The following ETV5 variants were observed in gnomAD, a reference collection of about 807,000 sequenced individuals.
The protein encoded by ETV5 is ETS translocation variant 5.
ETV5 carries 10 observed loss-of-function variants against 70.0 expected under a neutral mutation model. The observed-to-expected ratio is 0.14, with a 90% CI of 0.09 to 0.24. The LOEUF is 0.24. Among genes scored for constraint, ETV5 ranks in the 10% least tolerant of loss-of-function variants. The pLI is 1.00. For missense variants in ETV5, 453 were observed against 651.2 expected (o/e 0.70, Z 3.31); for synonymous variants, 216 against 242.2 (o/e 0.89, Z 1.01).
intron 5 of ETV5, among the ~76,000 whole-genome samples, chr3:186,098,712 G>C (rs954116909): frequency 6.6e-6 from 1 of 152,290 alleles, no homozygotes; most frequent in East Asian, 1.9e-4. Flanking sequence ...GATGGAGCCC[G>C]TCTGACAACC....
chr3:186,098,250 T>C (rs1469404050), intron 5 of ETV5, among the ~76,000 whole-genome samples: 1 of 152,250 alleles, frequency 6.6e-6, no homozygotes, highest in African/African-American at 2.4e-5. Context: ...GTTCAGAATC[T>C]GGCTGTAGCT....
chr3:186,074,975 A>T (rs1381281632), intron 7 of ETV5, among the ~76,000 whole-genome samples: 2 of 152,086 alleles, frequency 1.3e-5, no homozygotes, highest in African/African-American at 2.4e-5. Flanking sequence ...GGAGAAAATT[A>T]TTTGATCACC....
At chr3:186,096,203 C>A (rs762474746) in intron 5 of ETV5, among the ~76,000 whole-genome samples, 2 of 152,132 alleles carry the variant, frequency 1.3e-5, no homozygotes, top group Non-Finnish European at 2.9e-5. Context: ...CAGAAATTTT[C>A]TGAGTCGAGA....
chr3:186,046,961 C>T lies in ETV5; in HGVS notation c.*1678G>A, dbSNP rs777647675. Reference sequence around the variant, plus strand: ...CTATAAAGTGCACCCCTTATCCCTGCGAACCTCTTCACAAATGTGCTGTTG... The same window carrying T: ...CTATAAAGTGCACCCCTTATCCCTGTGAACCTCTTCACAAATGTGCTGTTG... On this transcript the variant is annotated 3_prime_UTR_variant, in exon 13 of 13. Transcript: ENST00000306376. 1.0e-4 allele frequency: 23 copies of T among 229,670 alleles called. No individual in the cohort carries two copies. The highest frequency in any genetic ancestry group is 8.9e-5 in the African/African-American group (4 of 45,136). The allele number at this position is 229,670 out of a possible 1,614,324, so 14.2% of individuals were successfully genotyped here. A position where few individuals can be genotyped will look rare whatever the true frequency, so the allele number is the denominator to read the frequency against.
chr3:186,103,717 T>C (rs1714522206), intron 5 of ETV5, among the ~76,000 whole-genome samples: 2 of 151,658 alleles, frequency 1.3e-5, no homozygotes, highest in South Asian at 4.1e-4. Context: ...TCCCAATCAC[T>C]CGAAAGCAAT....
intron 1 of ETV5, among the ~76,000 whole-genome samples, chr3:186,107,762 T>G (rs925266718): frequency 6.6e-6 from 1 of 151,960 alleles, no homozygotes; most frequent in East Asian, 1.9e-4. Flanking sequence ...GGCCCGGTTT[T>G]ATGAATGGGA....
At chr3:186,060,954 G>C (rs1713288885) in intron 9 of ETV5, among the ~76,000 whole-genome samples, 1 of 152,164 alleles carries the variant, frequency 6.6e-6, no homozygotes, top group Non-Finnish European at 1.5e-5. Flanking sequence ...GAACCTCAAA[G>C]AGCCCCATGC....
chr3:186,057,071 A>C lies in ETV5; in HGVS notation c.1209+4T>G. 6.2e-7 allele frequency: 1 copy of C among 1,614,016 alleles called. No homozygotes were observed. Among genetic ancestry groups the C allele is most frequent in the Non-Finnish European group, 8.5e-7 (1 of 1,179,888 alleles). On this transcript the variant is annotated splice_donor_region_variant and intron_variant, in intron 11 of 12. Coordinates refer to ENST00000306376, the MANE Select transcript of ETV5 (RefSeq NM_004454.3). The surrounding 1 kb of genome is among the most constrained non-coding windows in gnomAD (Gnocchi z 4.9). Reference sequence around the variant, plus strand: ...CCCGTCTGAGTCCAGCATCCAGTGCATACCTCTTCCGGTTCTATCAGCTTG... The same window carrying C: ...CCCGTCTGAGTCCAGCATCCAGTGCCTACCTCTTCCGGTTCTATCAGCTTG...
intron 7 of ETV5, among the ~76,000 whole-genome samples, chr3:186,069,972 A>C (rs1213886179): frequency 6.6e-6 from 1 of 150,850 alleles, no homozygotes. Flanking sequence ...ATGCCTGGCT[A>C]ATTTTTTTTT....
At chr3:186,074,593 C>T (rs1406729512) in intron 7 of ETV5, among the ~76,000 whole-genome samples, 1 of 152,010 alleles carries the variant, frequency 6.6e-6, no homozygotes, top group Non-Finnish European at 1.5e-5. Context: ...AACCCAAACT[C>T]ACCAATGTAC....
chr3:186,105,291 A>G lies in ETV5; in HGVS notation c.232+14T>C. 2 of 1,606,448 alleles carry G rather than the reference A, an allele frequency of 1.2e-6. No individual in the cohort carries two copies. Among genetic ancestry groups the G allele is most frequent in the Non-Finnish European group, 8.5e-7 (1 of 1,177,378 alleles). ...ATTTCAGAACAAATGTGCCATCACC[A>G]GAAAGGTACTTACGGTTATCAGACT... is the stretch of plus-strand genomic sequence containing the variant. On this transcript the variant is annotated intron_variant, in intron 5 of 12. Transcript: ENST00000306376. This position sits in a 1 kb window ranked among gnomAD's most constrained non-coding sequence, Gnocchi z 4.5.
chr3:186,083,521 A>T (rs1479416059), intron 5 of ETV5, among the ~76,000 whole-genome samples: 2 of 152,214 alleles, frequency 1.3e-5, no homozygotes, highest in Non-Finnish European at 2.9e-5. Flanking sequence ...TATTTGTTTC[A>T]GGAACTGCAC....
intron 7 of ETV5, among the ~76,000 whole-genome samples, chr3:186,078,713 T>G (rs942394972): frequency 2.0e-5 from 3 of 152,098 alleles, no homozygotes. Context: ...ACCCCGTCAG[T>G]GCTCACCCCT....
At chr3:186,079,075 A>AC in intron 7 of ETV5, 4 of 1,063,522 alleles carry the variant, frequency 3.8e-6, no homozygotes, top group Non-Finnish European at 4.6e-6. Flanking sequence ...GTTGACAACT[A>AC]CCCCCCTATC....
intron 7 of ETV5, among the ~76,000 whole-genome samples, chr3:186,077,048 G>A (rs891865999): frequency 2.0e-5 from 3 of 152,222 alleles, no homozygotes; most frequent in Non-Finnish European, 4.4e-5. Flanking sequence ...GTTGCTGAAT[G>A]TAGGACCCTG....
chr3:186,069,500 TG>T lies in ETV5; in HGVS notation c.651-3429del, dbSNP rs1237474032. Among the ~76,000 whole-genome samples, 9 of 141,762 alleles carry T rather than the reference TG, an allele frequency of 6.3e-5. No homozygotes were observed. In the East Asian group the frequency reaches 8.5e-4, roughly 13 times the overall value. 93.0% of individuals were successfully genotyped at this position (141,762 alleles called of 152,430 possible). A position where few individuals can be genotyped will look rare whatever the true frequency, so the allele number is the denominator to read the frequency against. On this transcript the variant is annotated intron_variant, in intron 7 of 12. Coordinates refer to ENST00000306376, the MANE Select transcript of ETV5 (RefSeq NM_004454.3). ...TTCTTTCAGAAAAGAGAGACGAAGT[TG>T]TTTTTTTTTTTTTTTTTTTAAAAAA...
At chr3:186,088,708 T>C (rs1021528460) in intron 5 of ETV5, among the ~76,000 whole-genome samples, 10 of 151,968 alleles carry the variant, frequency 6.6e-5, no homozygotes, top group African/African-American at 1.9e-4. Context: ...AACCGAAAAA[T>C]CCACCAGGGA....
chr3:186,101,259 T>C (rs1450395362), intron 5 of ETV5, among the ~76,000 whole-genome samples: 1 of 152,204 alleles, frequency 6.6e-6, no homozygotes, highest in Non-Finnish European at 1.5e-5. Context: ...GAAAGGTGTC[T>C]TCTAGGAAAC....
chr3:186,103,031 T>C (rs563511678), intron 5 of ETV5, among the ~76,000 whole-genome samples: 10 of 152,336 alleles, frequency 6.6e-5, no homozygotes, highest in Non-Finnish European at 1.5e-4. Context: ...TATCCCTTCT[T>C]GAAGCTCTAC....
Sources: gnomAD v4.1 joint callset for allele counts (sites outside exome capture counted in the v4.1 genomes callset) on GRCh38, gnomAD v4.1.1 for gene constraint, Gnocchi (gnomAD v3.1) non-coding constraint, MANE v1.5 for transcripts, NCBI Gene and HGNC (gene_info 2026-07-23, HGNC 2026-07-21) for gene names.